TBXAS1: variants seen among roughly 807,000 people sequenced by gnomAD.
The protein encoded by TBXAS1 is thromboxane A synthase 1.
A neutral mutation model predicts 60.7 loss-of-function variants in TBXAS1; 48 were observed. The ratio of observed to expected loss-of-function variants is 0.79; its 90% confidence interval spans 0.63 to 1.01. The LOEUF (loss-of-function observed/expected upper bound fraction) is 1.01. TBXAS1 is among the 50% of genes least tolerant of loss of function. The pLI is 0.00. For missense variants in TBXAS1, 685 were observed against 686.3 expected (o/e 1.00, Z 0.02); for synonymous variants, 287 against 269.7 (o/e 1.06, Z -0.63).
intron 9 of TBXAS1, among the ~76,000 whole-genome samples, chr7:139,972,444 C>A (rs1258913783): frequency 6.6e-6 from 1 of 152,204 alleles, no homozygotes; most frequent in Non-Finnish European, 1.5e-5. Flanking sequence ...ACATTTGCAA[C>A]TGAATGGCTC....
At chr7:139,910,382 A>T (rs1232426581) in intron 3 of TBXAS1, among the ~76,000 whole-genome samples, 1 of 152,160 alleles carries the variant, frequency 6.6e-6, no homozygotes, top group Non-Finnish European at 1.5e-5. Context: ...CATGCCTGTA[A>T]TCCCAGCACT....
At chr7:139,949,148 T>C (rs1808994633) in intron 5 of TBXAS1, among the ~76,000 whole-genome samples, 1 of 152,220 alleles carries the variant, frequency 6.6e-6, no homozygotes, top group Non-Finnish European at 1.5e-5. Flanking sequence ...GGGCTTTCTT[T>C]CACACTGTCC....
rs1416298521 is a variant in TBXAS1 at position 139,965,986 on chromosome 7, T to C, written c.1134+3753T>C. On this transcript the variant is annotated intron_variant, in intron 9 of 12. Coordinates refer to ENST00000448866, the MANE Select transcript of TBXAS1 (RefSeq NM_001061.7). The stretch of plus-strand genomic sequence containing the variant: ...GATGTTCACACATTAGATATTTTCC[T>C]GAAAATATTCCTGAAAATTTGCATG... Among the ~76,000 whole-genome samples, 7 of 152,256 alleles carry C rather than the reference T, an allele frequency of 4.6e-5. No individual in the cohort carries two copies. In the East Asian group the frequency reaches 1.4e-3, roughly 29 times the overall value.
At position 139,965,182 on chromosome 7, in the gene TBXAS1, C is replaced by T. The variant is rs533991419; in HGVS notation, c.1134+2949C>T. Among the ~76,000 whole-genome samples, 4 of 152,172 alleles carry T rather than the reference C, an allele frequency of 2.6e-5. No individual in the cohort carries two copies. In the South Asian group the frequency reaches 8.3e-4, roughly 32 times the overall value. ...GCAGTGAGCAAAGATTGTGCCATTGCCCTCCAGCCTGGGCAATAAGAAAGA... is the reference window on the plus strand; with the variant it reads ...GCAGTGAGCAAAGATTGTGCCATTGTCCTCCAGCCTGGGCAATAAGAAAGA... On this transcript the variant is annotated intron_variant, in intron 9 of 12. Transcript: ENST00000448866.
At position 140,020,160 on chromosome 7, in the gene TBXAS1, G is replaced by C; in HGVS notation, c.*61G>C. The C allele has an allele frequency of 1.3e-6, 2 of 1,560,390 alleles. No individual in the cohort carries two copies. Among genetic ancestry groups the C allele is most frequent in the South Asian group, 1.1e-5 (1 of 89,884 alleles). On this transcript the variant is annotated 3_prime_UTR_variant, in exon 13 of 13. Coordinates refer to ENST00000448866, the MANE Select transcript of TBXAS1 (RefSeq NM_001061.7). ...AAATTCAAAGAAAACCCTAAGTGTG[G>C]ATGTTCAGAATTTTGGAAAAATGTC...
intron 8 of TBXAS1, among the ~76,000 whole-genome samples, chr7:139,961,301 C>T (rs1810316980): frequency 6.6e-6 from 1 of 152,196 alleles, no homozygotes; most frequent in African/African-American, 2.4e-5. Flanking sequence ...GGTGGCTGCC[C>T]ATCTAAGCCC....
chr7:139,835,012 C>T (rs1346091171), intron 1 of TBXAS1, among the ~76,000 whole-genome samples: 3 of 151,518 alleles, frequency 2.0e-5, no homozygotes, highest in Non-Finnish European at 4.4e-5. Context: ...AAGGACACAA[C>T]CAAAAAAGAA....
chr7:139,822,906 A>G (rs1798336568), intron 4 of TBXAS1, among the ~76,000 whole-genome samples: 1 of 152,240 alleles, frequency 6.6e-6, no homozygotes, highest in East Asian at 1.9e-4. Context: ...TATTTCTAGA[A>G]GCCAATCTGA....
At chr7:139,835,167 T>A (rs1166288966) in intron 1 of TBXAS1, among the ~76,000 whole-genome samples, 1 of 151,498 alleles carries the variant, frequency 6.6e-6, no homozygotes, top group Admixed American at 6.6e-5. Flanking sequence ...CCCGGGTTCA[T>A]GCCATTCTCC....
chr7:139,840,058 G>C (rs1403317449), intron 1 of TBXAS1, among the ~76,000 whole-genome samples: 1 of 151,580 alleles, frequency 6.6e-6, no homozygotes, highest in Non-Finnish European at 1.5e-5. Context: ...TCTAAGACCA[G>C]TTTAAATTGA....
chr7:140,014,243 C>T (rs1814844276), intron 10 of TBXAS1, among the ~76,000 whole-genome samples: 3 of 152,140 alleles, frequency 2.0e-5, no homozygotes, highest in Non-Finnish European at 2.9e-5. Flanking sequence ...CGGGGAGAGA[C>T]GAGTACAGGA....
chr7:139,935,881 C>T (rs1807718767), intron 4 of TBXAS1, among the ~76,000 whole-genome samples: 3 of 152,174 alleles, frequency 2.0e-5, no homozygotes, highest in South Asian at 4.1e-4. Flanking sequence ...CTTCAGGGAA[C>T]CCCTGCTCAG....
At chr7:139,817,918 C>T (rs759253277) in intron 4 of TBXAS1, among the ~76,000 whole-genome samples, 1 of 152,202 alleles carries the variant, frequency 6.6e-6, no homozygotes, top group Admixed American at 6.5e-5. Flanking sequence ...ACCTTCATAA[C>T]CTGAAGAGCA....
intron 9 of TBXAS1, among the ~76,000 whole-genome samples, chr7:139,993,371 T>C (rs17161326): frequency 6.6e-6 from 1 of 152,010 alleles, no homozygotes; most frequent in African/African-American, 2.4e-5. Flanking sequence ...TCAAAAATTC[T>C]AATTGTATTG....
chr7:139,841,344 GACA>G (rs1799436335), intron 1 of TBXAS1, among the ~76,000 whole-genome samples: 1 of 152,220 alleles, frequency 6.6e-6, no homozygotes, highest in African/African-American at 2.4e-5. Flanking sequence ...CCCAGGCAAA[GACA>G]ACATTAGTGT....
chr7:139,826,504 T>G (rs1798441305), upstream of TBXAS1, among the ~76,000 whole-genome samples: 1 of 152,208 alleles, frequency 6.6e-6, no homozygotes, highest in African/African-American at 2.4e-5. Flanking sequence ...TTGGCACCTG[T>G]GCGGTTCACT....
At chr7:139,819,962 C>T (rs1042688471) in intron 4 of TBXAS1, among the ~76,000 whole-genome samples, 8 of 151,902 alleles carry the variant, frequency 5.3e-5, no homozygotes, top group Non-Finnish European at 1.0e-4. Flanking sequence ...TCACAGTGCC[C>T]CCTTTGCTCT....
chr7:139,970,731 C>A (rs1359263872), intron 9 of TBXAS1, among the ~76,000 whole-genome samples: 6 of 152,068 alleles, frequency 3.9e-5, no homozygotes, highest in Non-Finnish European at 8.8e-5. Flanking sequence ...AGCCTAAAAT[C>A]ATCTATTTTC....
intron 9 of TBXAS1, among the ~76,000 whole-genome samples, chr7:139,967,713 G>A (rs767764917): frequency 3.9e-5 from 6 of 152,162 alleles, no homozygotes; most frequent in East Asian, 1.9e-4. Context: ...GCTCTCGAGC[G>A]GAGGAGAGGT....
Sources: gnomAD v4.1 joint callset for allele counts (sites outside exome capture counted in the v4.1 genomes callset) on GRCh38, gnomAD v4.1.1 for gene constraint, MANE v1.5 for transcripts, NCBI Gene and HGNC (gene_info 2026-07-23, HGNC 2026-07-21) for gene names.